The following SPAG16 variants were observed in gnomAD, a reference collection of about 807,000 sequenced individuals.
SPAG16 encodes sperm-associated antigen 16 protein.
Under a neutral mutation model 80.4 loss-of-function variants are expected in SPAG16, and 86 were observed. The ratio of observed to expected loss-of-function variants is 1.07; its 90% CI spans 0.90 to 1.28. SPAG16 has a LOEUF of 1.28. Ranked by LOEUF, SPAG16 falls within the 50% of genes most tolerant of loss-of-function variation. SPAG16 has a pLI of 0.00. For missense variants in SPAG16, 870 were observed against 765.3 expected, an observed-to-expected ratio of 1.14 and a Z score of -1.61; for synonymous variants, 294 against 265.9, an observed-to-expected ratio of 1.11 and a Z score of -1.03.
At chr2:213,488,649 AAATT>A (rs1288146831) in intron 9 of SPAG16, among the ~76,000 whole-genome samples, 1 of 152,174 alleles carries the variant, frequency 6.6e-6, no homozygotes, top group African/African-American at 2.4e-5. Flanking sequence ...AGATGGAAAA[AAATT>A]AAGTAATTAA....
chr2:213,852,548 C>G (rs574455316), intron 10 of SPAG16, among the ~76,000 whole-genome samples: 1 of 152,100 alleles, frequency 6.6e-6, no homozygotes, highest in African/African-American at 2.4e-5. Flanking sequence ...TGCACCACCT[C>G]CTTGCAGCCT....
intron 10 of SPAG16, among the ~76,000 whole-genome samples, chr2:213,495,084 A>G (rs58144064): frequency 0.025 from 3,807 of 152,264 alleles, 157 homozygotes; most frequent in African/African-American, 0.086. Context: ...GGTTCTCAGT[A>G]GGCATGCAGT....
intron 10 of SPAG16, among the ~76,000 whole-genome samples, chr2:213,800,836 G>A (rs1035295220): frequency 6.6e-6 from 1 of 152,118 alleles, no homozygotes; most frequent in Non-Finnish European, 1.5e-5. Flanking sequence ...ATACAGTAGA[G>A]TACGCTGTGC....
At chr2:213,574,392 G>A (rs1049062690) in intron 10 of SPAG16, among the ~76,000 whole-genome samples, 1 of 151,980 alleles carries the variant, frequency 6.6e-6, no homozygotes, top group Non-Finnish European at 1.5e-5. Flanking sequence ...AGGAGACAAG[G>A]AGCACTCTAC....
At chr2:214,307,470 G>C (rs1175127873) in intron 15 of SPAG16, among the ~76,000 whole-genome samples, 2 of 151,972 alleles carry the variant, frequency 1.3e-5, no homozygotes, top group African/African-American at 2.4e-5. Flanking sequence ...AGTTCTTGTA[G>C]TTGTGATGTC....
At chr2:213,995,464 A>G (rs898413776) in intron 12 of SPAG16, among the ~76,000 whole-genome samples, 1 of 152,240 alleles carries the variant, frequency 6.6e-6, no homozygotes, top group African/African-American at 2.4e-5. Context: ...TGTGATGAAT[A>G]CATGTATATC....
At chr2:214,000,661 A>G (rs984107084) in intron 12 of SPAG16, among the ~76,000 whole-genome samples, 5 of 152,216 alleles carry the variant, frequency 3.3e-5, no homozygotes, top group African/African-American at 1.2e-4. Context: ...GAACAAGAAC[A>G]TAAATAAATA....
At chr2:213,564,422 G>A (rs1040103079) in intron 10 of SPAG16, among the ~76,000 whole-genome samples, 2 of 151,542 alleles carry the variant, frequency 1.3e-5, no homozygotes, top group African/African-American at 4.9e-5. Context: ...TTGAACCTGG[G>A]AGGCGGAGGT....
intron 10 of SPAG16, among the ~76,000 whole-genome samples, chr2:213,565,234 CT>C (rs1379617831): frequency 3.3e-5 from 5 of 152,114 alleles, no homozygotes; most frequent in African/African-American, 1.2e-4. Flanking sequence ...TATATATTGA[CT>C]ACTACATTAC....
intron 11 of SPAG16, among the ~76,000 whole-genome samples, chr2:213,929,671 CATG>C (rs899423486): frequency 6.6e-6 from 1 of 152,176 alleles, no homozygotes; most frequent in Non-Finnish European, 1.5e-5. Context: ...CAAACAAACA[CATG>C]ATAACAAAAA....
At chr2:213,585,168 A>C (rs1299898679) in intron 10 of SPAG16, among the ~76,000 whole-genome samples, 2 of 151,394 alleles carry the variant, frequency 1.3e-5, no homozygotes, top group East Asian at 3.9e-4. Context: ...CAGCCTGCAC[A>C]ATGAGAGTGA....
At chr2:214,287,349 C>T (rs544064591) in intron 15 of SPAG16, among the ~76,000 whole-genome samples, 2 of 152,306 alleles carry the variant, frequency 1.3e-5, no homozygotes, top group East Asian at 3.9e-4. Flanking sequence ...ATAGAAATGG[C>T]ATCATGAAAT....
At chr2:213,456,132 TA>T (rs1038372222) in intron 9 of SPAG16, among the ~76,000 whole-genome samples, 9 of 152,242 alleles carry the variant, frequency 5.9e-5, no homozygotes, top group African/African-American at 2.2e-4. Flanking sequence ...TAAGGTATTT[TA>T]AAATGTTCTA....
At chr2:213,342,791 T>G (rs1345165217) in intron 6 of SPAG16, among the ~76,000 whole-genome samples, 1 of 151,880 alleles carries the variant, frequency 6.6e-6, no homozygotes, top group East Asian at 1.9e-4. Context: ...GCAGTTTTTT[T>G]TTTAAGATGG....
At chr2:213,872,450 C>T (rs1183562151) in intron 11 of SPAG16, among the ~76,000 whole-genome samples, 1 of 152,108 alleles carries the variant, frequency 6.6e-6, no homozygotes, top group East Asian at 1.9e-4. Flanking sequence ...CAATATACAA[C>T]TTTGATGAGC....
intron 14 of SPAG16, among the ~76,000 whole-genome samples, chr2:214,110,588 A>G (rs2053614974): frequency 6.6e-6 from 1 of 152,228 alleles, no homozygotes; most frequent in Non-Finnish European, 1.5e-5. Context: ...ATAGTGCTGC[A>G]ATAAACATAT....
chr2:213,691,826 C>T (rs1201076488), intron 10 of SPAG16, among the ~76,000 whole-genome samples: 1 of 152,192 alleles, frequency 6.6e-6, no homozygotes, highest in Non-Finnish European at 1.5e-5. Flanking sequence ...GTTTGTTGTG[C>T]TCTCTGATAT....
chr2:213,626,641 A>AGT (rs1213389671), intron 10 of SPAG16, among the ~76,000 whole-genome samples: 20 of 98,984 alleles, frequency 2.0e-4, no homozygotes, highest in African/African-American at 7.9e-4. Flanking sequence ...ATCGGGCTCA[A>AGT]TTTTTTTTTT....
chr2:214,295,419 T>C (rs1054417785), intron 15 of SPAG16, among the ~76,000 whole-genome samples: 2 of 152,198 alleles, frequency 1.3e-5, no homozygotes, highest in African/African-American at 4.8e-5. Context: ...TTACTCACAA[T>C]AAATAATTTA....
Sources: allele counts gnomAD v4.1 joint callset (sites outside exome capture counted in the v4.1 genomes callset), GRCh38; gene constraint gnomAD v4.1.1; transcripts MANE v1.5; gene names NCBI Gene and HGNC (gene_info 2026-07-23, HGNC 2026-07-21).